APBA2: variants seen among roughly 807,000 people sequenced by gnomAD.
The protein encoded by APBA2 is amyloid-beta A4 precursor protein-binding family A member 2.
APBA2 carries 30 observed loss-of-function variants against 75.0 expected under a neutral mutation model. The observed-to-expected ratio is 0.40, with a 90% CI of 0.30 to 0.54. The LOEUF (loss-of-function observed/expected upper bound fraction) is 0.54. APBA2 is among the 20% of genes least tolerant of loss of function. APBA2 has a pLI of 0.49. For synonymous variants in APBA2, 444 were observed against 409.6 expected (o/e 1.08, Z -1.01); for missense variants, 801 against 1,016.1 (o/e 0.79, Z 2.88).
intron 3 of APBA2, among the ~76,000 whole-genome samples, chr15:29,031,341 TG>T (rs1476710445): frequency 2.0e-5 from 3 of 152,210 alleles, no homozygotes; most frequent in African/African-American, 7.2e-5. Context: ...TTCTGGAGGC[TG>T]GGAGTCCAAG....
intron 2 of APBA2, among the ~76,000 whole-genome samples, chr15:28,945,147 G>C (rs904306149): frequency 2.0e-5 from 3 of 152,198 alleles, no homozygotes; most frequent in Non-Finnish European, 4.4e-5. Context: ...CGGCGTCACT[G>C]TCAGGACTCT....
chr15:28,996,909 G>A (rs887979237), intron 3 of APBA2, among the ~76,000 whole-genome samples: 1 of 152,238 alleles, frequency 6.6e-6, no homozygotes, highest in Non-Finnish European at 1.5e-5. Context: ...GGGGACGGAT[G>A]AAGACCAGCA....
chr15:29,074,417 C>G (rs1317449781), intron 4 of APBA2, among the ~76,000 whole-genome samples: 2 of 152,202 alleles, frequency 1.3e-5, no homozygotes, highest in Non-Finnish European at 2.9e-5. Context: ...ACTGCTTAAT[C>G]ACTCCACTTA....
chr15:29,050,706 G>T (rs2041554754), intron 3 of APBA2, among the ~76,000 whole-genome samples: 2 of 152,118 alleles, frequency 1.3e-5, no homozygotes, highest in South Asian at 4.1e-4. Flanking sequence ...TTGGCCTAGA[G>T]AATATTTTAT....
chr15:29,110,371 G>A (rs1358787022), intron 13 of APBA2, among the ~76,000 whole-genome samples: 1 of 152,176 alleles, frequency 6.6e-6, no homozygotes, highest in East Asian at 1.9e-4. Flanking sequence ...CCTCCTGAGT[G>A]GCACTGGGGA....
chr15:28,913,145 C>T (rs2033510081), intron 1 of APBA2, among the ~76,000 whole-genome samples: 1 of 152,180 alleles, frequency 6.6e-6, no homozygotes, highest in Non-Finnish European at 1.5e-5. Context: ...AACTTCTGGG[C>T]CAAAAGGGGT....
At chr15:29,084,931 TC>T (rs2043223443) in intron 6 of APBA2, among the ~76,000 whole-genome samples, 1 of 152,238 alleles carries the variant, frequency 6.6e-6, no homozygotes, top group African/African-American at 2.4e-5. Context: ...TTGATCAGAT[TC>T]AGTTTGATTG....
chr15:29,008,985 C>T lies in APBA2; in HGVS notation c.-41+13179C>T, dbSNP rs141702435. Among the ~76,000 whole-genome samples, 6 of 152,292 alleles carry T rather than the reference C, an allele frequency of 3.9e-5. No individual in the cohort carries two copies. In the East Asian group the frequency reaches 7.7e-4, roughly 20 times the overall value. ...GTGTGTATGTGCAGGGGAGAGAAGC[C>T]GGCAGGCTCTTCCTCCCAGATGCTG... is the stretch of plus-strand genomic sequence containing the variant. On this transcript the variant is annotated intron_variant, in intron 3 of 14. Transcript: ENST00000683413.
intron 2 of APBA2, among the ~76,000 whole-genome samples, chr15:28,968,631 CCT>C (rs1322264095): frequency 1.3e-5 from 2 of 152,130 alleles, no homozygotes; most frequent in African/African-American, 2.4e-5. Flanking sequence ...GCTCAATGCC[CCT>C]GTTTTGGGTA....
At chr15:28,941,028 A>G (rs761515341) in intron 2 of APBA2, among the ~76,000 whole-genome samples, 2 of 152,170 alleles carry the variant, frequency 1.3e-5, no homozygotes, top group African/African-American at 2.4e-5. Context: ...GTTTAAGTCC[A>G]TGAGTTTTTT....
intron 1 of APBA2, among the ~76,000 whole-genome samples, chr15:28,917,130 A>G (rs2033721391): frequency 6.6e-6 from 1 of 152,174 alleles, no homozygotes; most frequent in African/African-American, 2.4e-5. Context: ...ACCCGGGCAA[A>G]GGGTGGCATG....
At chr15:28,977,318 A>C (rs758268212) in intron 2 of APBA2, 9 of 152,032 alleles carry the variant, frequency 5.9e-5, no homozygotes, top group Non-Finnish European at 8.8e-5. Context: ...ATGAGGGCCT[A>C]ATTTCTTCCC....
At chr15:29,058,619 C>T (rs1279208993) in intron 4 of APBA2, among the ~76,000 whole-genome samples, 1 of 152,168 alleles carries the variant, frequency 6.6e-6, no homozygotes, top group East Asian at 1.9e-4. Flanking sequence ...GAAAAGGCTC[C>T]AGTTTGCAGG....
chr15:29,030,499 A>T (rs2040435417), intron 3 of APBA2, among the ~76,000 whole-genome samples: 2 of 151,814 alleles, frequency 1.3e-5, no homozygotes, highest in African/African-American at 4.8e-5. Context: ...TAATAATAAT[A>T]AAATAAAGGA....
chr15:28,947,169 G>T (rs2035596072), intron 2 of APBA2, among the ~76,000 whole-genome samples: 2 of 152,212 alleles, frequency 1.3e-5, no homozygotes, highest in Admixed American at 1.3e-4. Flanking sequence ...GGAGGTGAAG[G>T]TTCTGCCTGC....
chr15:29,058,737 T>G (rs797018972), intron 4 of APBA2, among the ~76,000 whole-genome samples: 4 of 53,924 alleles, frequency 7.4e-5, no homozygotes, highest in African/African-American at 3.2e-4. Context: ...GAAGACAGGT[T>G]GGGGAACAGA....
At chr15:28,895,936 AC>A (rs2032455456) in intron 1 of APBA2, among the ~76,000 whole-genome samples, 1 of 151,876 alleles carries the variant, frequency 6.6e-6, no homozygotes, top group South Asian at 2.1e-4. Flanking sequence ...ACGTAAGGAG[AC>A]CCCATCTCTA....
At chr15:28,930,541 C>G (rs1016249222) in intron 2 of APBA2, among the ~76,000 whole-genome samples, 1 of 152,152 alleles carries the variant, frequency 6.6e-6, no homozygotes, top group Non-Finnish European at 1.5e-5. Context: ...GGAGCCTGAC[C>G]TGTCTTGGAG....
chr15:29,010,842 A>G (rs962557836), intron 3 of APBA2, among the ~76,000 whole-genome samples: 1 of 152,224 alleles, frequency 6.6e-6, no homozygotes, highest in African/African-American at 2.4e-5. Context: ...GTAATCCACT[A>G]TTTTTAAAAA....
Sources: gnomAD v4.1 joint callset for allele counts (sites outside exome capture counted in the v4.1 genomes callset) on GRCh38, gnomAD v4.1.1 for gene constraint, MANE v1.5 for transcripts, NCBI Gene and HGNC (gene_info 2026-07-23, HGNC 2026-07-21) for gene names.